The following DDX23 variants were observed in gnomAD, a reference collection of about 807,000 sequenced individuals.
The protein encoded by DDX23 is probable ATP-dependent RNA helicase DDX23.
A neutral mutation model predicts 102.7 loss-of-function variants in DDX23; 33 were observed. That is an observed-to-expected ratio of 0.32 (90% CI 0.24 to 0.43). DDX23 has a LOEUF of 0.43. DDX23 is among the 20% of genes least tolerant of loss of function. DDX23 has a pLI of 1.00. For synonymous variants in DDX23, 352 were observed against 376.0 expected, an observed-to-expected ratio of 0.94 and a Z score of 0.74; for missense variants, 549 against 1,086.6, an observed-to-expected ratio of 0.51 and a Z score of 6.96.
intron 5 of DDX23, 148 bp from the exon 6 acceptor site, chr12:48,838,228 G>A (rs1938494037): frequency 2.6e-6 from 3 of 1,163,596 alleles, no homozygotes; most frequent in East Asian, 2.4e-5. Flanking sequence ...ACTCGGTTAT[G>A]GACTGAACTA....
chr12:48,849,640 G>A (rs943055089), intron 1 of DDX23, among the ~76,000 whole-genome samples: 8 of 150,660 alleles, frequency 5.3e-5, no homozygotes, highest in South Asian at 2.1e-4. Context: ...CTGGGTGACA[G>A]AGCAAGACTC....
At chr12:48,840,161 G>C in intron 3 of DDX23, 55 bp from the exon 4 acceptor site, 1 of 1,408,688 alleles carries the variant, frequency 7.1e-7, no homozygotes, top group Non-Finnish European at 1.0e-6. Context: ...CCTGGATGAG[G>C]TTCAAGTTGA....
In DDX23 at chr12:48,840,066, C is replaced by G; in HGVS notation, c.361G>C (p.Asp121His). The G allele has an allele frequency of 6.2e-7, 1 of 1,614,176 alleles. No homozygotes were observed. The highest frequency in any genetic ancestry group is 8.5e-7 in the Non-Finnish European group (1 of 1,180,020). ...TCTTCATCCTTCTTAGAGTCTCTGT[C>G]CTTCCGAGATTTAAAGTCTTTTCCT... is the stretch of plus-strand genomic sequence containing the variant. ...GRGKDFKSRK[D>H]RDSKKDEEDE... Residue 121 changes from aspartate to histidine, a missense_variant, in exon 4 of 17, where the codon GAC becomes CAC. Physicochemically the swap from Asp to His is moderately conservative, Grantham distance 81 (BLOSUM62 -1). Transcript: ENST00000308025.
chr12:48,833,821 T>A (rs1317736140), intron 12 of DDX23, among the ~76,000 whole-genome samples: 1 of 152,094 alleles, frequency 6.6e-6, no homozygotes, highest in Admixed American at 6.5e-5. Context: ...ACTTCTTAGA[T>A]GGGAGAGACT....
Position 48,830,260 on chromosome 12 carries a change from G to A in DDX23, c.*209C>T. On this transcript the variant is annotated 3_prime_UTR_variant, in exon 17 of 17. Transcript: ENST00000308025. The surrounding 1 kb of genome is among the most constrained non-coding windows in gnomAD (Gnocchi z 4.9). ...CTGGGCCAAGAAGCTGTGGTAATTT[G>A]CTCTCCCTGCCTCCGACAGCGTCGT... The A allele has an allele frequency of 1.4e-6, 1 of 691,302 alleles. No homozygotes were observed. Among genetic ancestry groups the A allele is most frequent in the Middle Eastern group, 2.3e-4 (1 of 4,266 alleles). The allele number at this position is 691,302 out of a possible 1,614,324, so 42.8% of individuals were successfully genotyped here.
intron 12 of DDX23, 111 bp from the exon 13 acceptor site, chr12:48,833,630 C>T (rs1477821139): frequency 3.7e-6 from 5 of 1,362,070 alleles, no homozygotes; most frequent in Non-Finnish European, 5.0e-6. Flanking sequence ...GAACTTGGAC[C>T]CCAACCTCTG....
rs149236003 is a variant in DDX23 at position 48,833,343 on chromosome 12, C to T, written c.1737G>A (p.Thr579=). The stretch of plus-strand genomic sequence containing the variant: ...TCTTCTCAGGGTCCTCAGCCTCATC[C>T]GTGTCTGGCTTCTGGTTGCTGACAG... The part of the protein sequence containing the change: ...HMPVSNQKPD[T]DEAEDPEKML... Residue 579 remains threonine, a synonymous_variant, in exon 13 of 17, where the codon ACG becomes ACA. Coordinates refer to ENST00000308025, the MANE Select transcript of DDX23 (RefSeq NM_004818.3). 6.7e-4 allele frequency: 1,087 copies of T among 1,614,170 alleles called. 1 individual carries two copies. The highest frequency in any genetic ancestry group is 8.1e-4 in the Non-Finnish European group (956 of 1,180,038).
intron 1 of DDX23, among the ~76,000 whole-genome samples, chr12:48,848,585 TTTG>T (rs149054528): frequency 1.3e-4 from 19 of 151,618 alleles, no homozygotes; most frequent in Non-Finnish European, 2.1e-4. Context: ...TCAGGTTTGT[TTTG>T]TTGTTGTTGT....
intron 5 of DDX23, 106 bp downstream of exon 5, chr12:48,839,738 G>T: frequency 8.6e-7 from 1 of 1,157,654 alleles, no homozygotes; most frequent in Non-Finnish European, 1.2e-6. Flanking sequence ...CAGACTTCCA[G>T]CCTCCAGAAC....
intron 3 of DDX23, among the ~76,000 whole-genome samples, chr12:48,842,039 G>A (rs1470755938): frequency 4.7e-5 from 7 of 150,440 alleles, no homozygotes; most frequent in African/African-American, 9.8e-5. Context: ...CAACCGCCCC[G>A]TCTGAGAAGT....
At chr12:48,848,070 G>A (rs1369501444) in intron 1 of DDX23, among the ~76,000 whole-genome samples, 1 of 152,182 alleles carries the variant, frequency 6.6e-6, no homozygotes. Flanking sequence ...CAGATCAAGA[G>A]GTCAGGAGAT....
At chr12:48,842,240 C>T (rs1227722945) in intron 3 of DDX23, among the ~76,000 whole-genome samples, 3 of 150,016 alleles carry the variant, frequency 2.0e-5, no homozygotes, top group Admixed American at 6.6e-5. Context: ...GTCATCCCCC[C>T]ACCCGGCCAG....
chr12:48,830,751 G>A lies in DDX23; in HGVS notation c.2240-59C>T. 6.7e-7 allele frequency: 1 copy of A among 1,498,240 alleles called. No individual in the cohort carries two copies. Among genetic ancestry groups the A allele is most frequent in the Non-Finnish European group, 9.1e-7 (1 of 1,104,482 alleles). 92.8% of individuals were successfully genotyped at this position (1,498,240 alleles called of 1,614,324 possible). A position where few individuals can be genotyped will look rare whatever the true frequency, so the allele number is the denominator to read the frequency against. On this transcript the variant is annotated intron_variant, in intron 16 of 16. Transcript: ENST00000308025. This position sits in a 1 kb window ranked among gnomAD's most constrained non-coding sequence, Gnocchi z 4.9. ...CCAGATGCCCTGGGGAGCCGTGTCT[G>A]ATGCCTCCACTTCTAGAGGCATCCT...
At chr12:48,840,135 C>G in intron 3 of DDX23, 29 bp from the exon 4 acceptor site, 1 of 1,563,122 alleles carries the variant, frequency 6.4e-7, no homozygotes, top group South Asian at 1.1e-5. Flanking sequence ...AGGTCCACAT[C>G]ACTCTTACTT....
At chr12:48,842,494 A>C in intron 3 of DDX23, among the ~76,000 whole-genome samples, 1 of 87,268 alleles carries the variant, frequency 1.1e-5, no homozygotes, top group African/African-American at 4.6e-5. Context: ...TCCGGGAGGA[A>C]GGTGGGGGGG....
At chr12:48,845,154 T>A (rs868175968) in intron 2 of DDX23, among the ~76,000 whole-genome samples, 13,993 of 131,108 alleles carry the variant, frequency 0.11, 932 homozygotes, top group Non-Finnish European at 0.15. Flanking sequence ...CTCCATCTTT[T>A]AAAAAAAAAA....
At chr12:48,833,193 C>A in intron 13 of DDX23, 84 bp downstream of exon 13, 1 of 1,576,820 alleles carries the variant, frequency 6.3e-7, no homozygotes. Flanking sequence ...CCATGTTGCC[C>A]AGGCTGGTCT....
chr12:48,845,796 G>C lies in DDX23; in HGVS notation c.1-14C>G, dbSNP rs746113481. 2 of 1,613,084 alleles carry C rather than the reference G, an allele frequency of 1.2e-6. No individual in the cohort carries two copies. Among genetic ancestry groups the C allele is most frequent in the South Asian group, 1.1e-5 (1 of 90,988 alleles). ...CTCTCCTGCCATCTGTAATGAGTAG[G>C]AAGAGTACTTACAATGTACTAGGCA... On this transcript the variant is annotated splice_polypyrimidine_tract_variant and intron_variant, in intron 1 of 16. Coordinates refer to ENST00000308025, the MANE Select transcript of DDX23 (RefSeq NM_004818.3).
In DDX23 at chr12:48,836,341, C is replaced by A; in HGVS notation, c.1237-75G>T. ...CTGGGCAACCACTGATAGTAGTAAG[C>A]ACATCTGCTAGCACAATGGAAGGAT... On this transcript the variant is annotated intron_variant, in intron 10 of 16. Coordinates refer to ENST00000308025, the MANE Select transcript of DDX23 (RefSeq NM_004818.3). The surrounding 1 kb of genome is among the most constrained non-coding windows in gnomAD (Gnocchi z 6.1). 1 of 1,531,172 alleles carries A rather than the reference C, an allele frequency of 6.5e-7. No homozygotes were observed. Among genetic ancestry groups the A allele is most frequent in the Non-Finnish European group, 9.0e-7 (1 of 1,109,658 alleles). 94.8% of individuals were successfully genotyped at this position (1,531,172 alleles called of 1,614,324 possible). A position where few individuals can be genotyped will look rare whatever the true frequency, so the allele number is the denominator to read the frequency against.
Sources: gnomAD v4.1 joint callset for allele counts (sites outside exome capture counted in the v4.1 genomes callset) on GRCh38, gnomAD v4.1.1 for gene constraint, Gnocchi (gnomAD v3.1) non-coding constraint, MANE v1.5 for transcripts, NCBI Gene and HGNC (gene_info 2026-07-23, HGNC 2026-07-21) for gene names.